The following ARHGEF6 variants were observed in gnomAD, a reference collection of about 807,000 sequenced individuals.
The protein encoded by ARHGEF6 is rho guanine nucleotide exchange factor 6.
ARHGEF6 carries 9 observed loss-of-function variants against 70.3 expected under a neutral mutation model. The observed-to-expected ratio is 0.13, with a 90% CI of 0.08 to 0.22. The LOEUF (loss-of-function observed/expected upper bound fraction) is 0.22, where lower values mean the gene tolerates loss of function less well. Ranked by LOEUF, ARHGEF6 falls within the 10% of genes least tolerant of loss-of-function variation. The probability of loss-of-function intolerance (pLI) is 1.00; values close to 1 mark genes in which losing one functional copy is unlikely to be tolerated. For synonymous variants in ARHGEF6, 201 were observed against 207.8 expected (o/e 0.97, Z 0.28); for missense variants, 470 against 563.0 (o/e 0.83, Z 1.67).
intron 6 of ARHGEF6, among the ~76,000 whole-genome samples, chrX:136,717,476 T>G (rs1297125963): frequency 9.0e-6 from 1 of 111,642 alleles, no homozygotes. Flanking sequence ...AAAGAAGTTC[T>G]TCACAGAGAA....
intron 5 of ARHGEF6, among the ~76,000 whole-genome samples, chrX:136,736,766 G>C (rs985312792): frequency 2.7e-5 from 3 of 110,944 alleles, no homozygotes; most frequent in Non-Finnish European, 5.7e-5. Flanking sequence ...GCTATCCCCA[G>C]AGCTTTGGCC....
intron 2 of ARHGEF6, among the ~76,000 whole-genome samples, chrX:136,765,214 T>C (rs12863858): frequency 0.21 from 23,669 of 111,149 alleles, 2,369 homozygotes; most frequent in East Asian, 0.62. Flanking sequence ...GCCTGGAACA[T>C]AGGAGGTGCC....
chrX:136,686,695 CACATATATATATACATAT>C (rs1569394121), intron 11 of ARHGEF6, among the ~76,000 whole-genome samples: 13 of 43,159 alleles, frequency 3.0e-4, no homozygotes, highest in African/African-American at 1.2e-3. Context: ...TATATATATA[CACATATATATATACATAT>C]ATATATATAT....
At chrX:136,673,025 C>T (rs2076241034) in intron 19 of ARHGEF6, among the ~76,000 whole-genome samples, 1 of 112,426 alleles carries the variant, frequency 8.9e-6, no homozygotes, top group African/African-American at 3.2e-5. Context: ...TGTTTCACAT[C>T]TGTGGATTCA....
intron 6 of ARHGEF6, among the ~76,000 whole-genome samples, chrX:136,724,629 T>C (rs2076835676): frequency 9.0e-6 from 1 of 110,949 alleles, no homozygotes; most frequent in African/African-American, 3.3e-5. Context: ...TAGCTCGGCC[T>C]GCAAGCACAT....
chrX:136,712,897 C>T (rs1371343783), intron 7 of ARHGEF6, among the ~76,000 whole-genome samples: 1 of 112,259 alleles, frequency 8.9e-6, no homozygotes, highest in Admixed American at 9.4e-5. Flanking sequence ...AAGTTCTGCC[C>T]TGGCAAACAA....
chrX:136,671,061 A>C (rs534477902), intron 20 of ARHGEF6, among the ~76,000 whole-genome samples: 3 of 112,212 alleles, frequency 2.7e-5, no homozygotes, highest in South Asian at 3.7e-4. Flanking sequence ...TGTAAAAATG[A>C]ATATCGTTAT....
At chrX:136,720,868 T>C (rs2076789568) in intron 6 of ARHGEF6, among the ~76,000 whole-genome samples, 1 of 111,055 alleles carries the variant, frequency 9.0e-6, no homozygotes, top group Admixed American at 9.5e-5. Context: ...ATAAACAAAA[T>C]CTGAAACAAA....
chrX:136,739,990 A>G (rs1443745501), intron 5 of ARHGEF6, among the ~76,000 whole-genome samples: 1 of 110,191 alleles, frequency 9.1e-6, no homozygotes, highest in Non-Finnish European at 1.9e-5. Flanking sequence ...ATGGGGAGCC[A>G]TGACCCAAGT....
chrX:136,728,902 C>T (rs902302718), intron 6 of ARHGEF6, among the ~76,000 whole-genome samples: 4 of 109,378 alleles, frequency 3.7e-5, no homozygotes, highest in South Asian at 8.3e-4. Context: ...TGGACTTGTA[C>T]GGAATTACAC....
At chrX:136,773,963 A>G (rs367566014) in intron 2 of ARHGEF6, 2 of 111,993 alleles carry the variant, frequency 1.8e-5, no homozygotes, top group East Asian at 5.6e-4. Flanking sequence ...AGAAGAGAGA[A>G]AATTAAGACA....
At chrX:136,763,929 G>A (rs1419784312) in intron 2 of ARHGEF6, among the ~76,000 whole-genome samples, 1 of 111,856 alleles carries the variant, frequency 8.9e-6, no homozygotes, top group Non-Finnish European at 1.9e-5. Context: ...AAGCAAGGGT[G>A]GACGAGCAGT....
rs746253376 is a variant in ARHGEF6 at position 136,694,779 on chromosome X, C to T, written c.1047-4031G>A. On this transcript the variant is annotated intron_variant, in intron 9 of 21. Transcript: ENST00000250617. ...CTAGCAGGGGAGAGGGAGGGGAAAT[C>T]CCGAAATACCTCACCCAGGGGACAA... Among the ~76,000 whole-genome samples, 8 of 111,695 alleles carry T rather than the reference C, an allele frequency of 7.2e-5. 1 individual carries two copies. The highest frequency in any genetic ancestry group is 7.5e-4 in the South Asian group (2 of 2,677).
chrX:136,668,211 G>A, intron 21 of ARHGEF6, 42 bp from the exon 22 acceptor site: 4 of 1,202,696 alleles, frequency 3.3e-6, no homozygotes, highest in Non-Finnish European at 4.5e-6. Context: ...ACAGAGGGGG[G>A]CCCTTCCAAG....
At chrX:136,725,076 A>G (rs1276737970) in intron 6 of ARHGEF6, among the ~76,000 whole-genome samples, 1 of 111,129 alleles carries the variant, frequency 9.0e-6, no homozygotes, top group African/African-American at 3.3e-5. Context: ...TGAAATTGCT[A>G]AGATTCTTCA....
chrX:136,689,591 T>A (rs1159825387), intron 10 of ARHGEF6, among the ~76,000 whole-genome samples: 1 of 112,012 alleles, frequency 8.9e-6, no homozygotes. Context: ...CAGGCTTTGC[T>A]CACCAGCTCC....
chrX:136,775,562 C>T (rs1410878033), intron 2 of ARHGEF6, among the ~76,000 whole-genome samples: 2 of 111,595 alleles, frequency 1.8e-5, no homozygotes, highest in African/African-American at 6.5e-5. Context: ...TAATAAAAGC[C>T]ATCTATGACA....
At chrX:136,670,788 C>CA (rs2076217751) in intron 20 of ARHGEF6, among the ~76,000 whole-genome samples, 1 of 111,616 alleles carries the variant, frequency 9.0e-6, no homozygotes, top group African/African-American at 3.3e-5. Context: ...GACACAAAGT[C>CA]AGAGGCATTC....
chrX:136,748,525 C>T (rs2077119037), intron 2 of ARHGEF6, among the ~76,000 whole-genome samples: 1 of 112,151 alleles, frequency 8.9e-6, no homozygotes, highest in South Asian at 3.7e-4. Flanking sequence ...TGTTCTCATG[C>T]ACAGGTACAA....
Sources: allele counts gnomAD v4.1 joint callset (sites outside exome capture counted in the v4.1 genomes callset), GRCh38; gene constraint gnomAD v4.1.1; transcripts MANE v1.5; gene names NCBI Gene and HGNC (gene_info 2026-07-23, HGNC 2026-07-21).